GSG1L: variants seen among roughly 807,000 people sequenced by gnomAD.
The protein encoded by GSG1L is GSG1 like.
In GSG1L, 24 loss-of-function variants were observed where a neutral mutation model predicts 42.1. The observed-to-expected ratio is 0.57, with a 90% CI of 0.41 to 0.80. The LOEUF (loss-of-function observed/expected upper bound fraction) is 0.80, where lower values mean the gene tolerates loss of function less well. GSG1L is among the 30% of genes least tolerant of loss of function. GSG1L has a pLI of 0.00. For synonymous variants in GSG1L, 215 were observed against 203.5 expected, an observed-to-expected ratio of 1.06 and a Z score of -0.48; for missense variants, 445 against 472.2, an observed-to-expected ratio of 0.94 and a Z score of 0.53.
chr16:28,041,208 T>A (rs1461670508), intron 1 of GSG1L, among the ~76,000 whole-genome samples: 1 of 152,154 alleles, frequency 6.6e-6, no homozygotes, highest in Non-Finnish European at 1.5e-5. Context: ...CCTAGCACTT[T>A]GGGAGGCTGA....
intron 1 of GSG1L, among the ~76,000 whole-genome samples, chr16:28,020,063 CA>C (rs1332961143): frequency 6.6e-6 from 1 of 152,196 alleles, no homozygotes; most frequent in Non-Finnish European, 1.5e-5. Context: ...TTGAAAGTAG[CA>C]AGTCCACTCT....
intron 6 of GSG1L, among the ~76,000 whole-genome samples, chr16:27,803,800 G>GATAGATAGATAGATAGATAT (rs2082917570): frequency 1.3e-5 from 1 of 74,246 alleles, no homozygotes; most frequent in African/African-American, 5.2e-5. Context: ...TATATAGATA[G>GATAGATAGATAGATAGATAT]ATAGATATAG....
At chr16:27,909,331 CT>C (rs2084354076) in intron 2 of GSG1L, among the ~76,000 whole-genome samples, 2 of 150,788 alleles carry the variant, frequency 1.3e-5, no homozygotes, top group South Asian at 2.1e-4. Context: ...TTCTCTCTTT[CT>C]TTCTTTTTCT....
intron 2 of GSG1L, among the ~76,000 whole-genome samples, chr16:27,911,256 C>CCTCT (rs1483976484): frequency 2.1e-5 from 2 of 96,310 alleles, no homozygotes; most frequent in Non-Finnish European, 4.6e-5. Flanking sequence ...AGCCTCATCA[C>CCTCT]CTCTCTCTCG....
At chr16:27,911,272 T>G (rs546961826) in intron 2 of GSG1L, among the ~76,000 whole-genome samples, 11 of 131,932 alleles carry the variant, frequency 8.3e-5, no homozygotes, top group African/African-American at 2.8e-4. Context: ...TCTCGCTCTC[T>G]CTCTCTCTCT....
chr16:27,973,439 C>T (rs200125526), intron 1 of GSG1L, among the ~76,000 whole-genome samples: 1 of 29,848 alleles, frequency 3.4e-5, no homozygotes, highest in Non-Finnish European at 6.0e-5. Context: ...GACCCCATCA[C>T]AAAAAAAAAA....
chr16:27,809,660 C>G (rs2083008940), intron 5 of GSG1L, among the ~76,000 whole-genome samples: 1 of 152,090 alleles, frequency 6.6e-6, no homozygotes, highest in Admixed American at 6.6e-5. Context: ...CATCTTTCCT[C>G]CATCCCTCTC....
intron 2 of GSG1L, among the ~76,000 whole-genome samples, chr16:27,907,501 G>T (rs2084333485): frequency 6.6e-6 from 1 of 152,222 alleles, no homozygotes; most frequent in Admixed American, 6.5e-5. Flanking sequence ...TCCCTCTGGG[G>T]ATATGAGCTC....
At position 28,060,396 on chromosome 16, in the gene GSG1L, T is replaced by C. The variant is rs930851164; in HGVS notation, c.349+2680A>G. ...CCCCAGCTGGCTCCGATTCCCAAAT[T>C]TCTCACCAGCACTGACAAGCTGATA... On this transcript the variant is annotated intron_variant, in intron 1 of 6. Coordinates refer to ENST00000447459, the MANE Select transcript of GSG1L (RefSeq NM_001109763.2). 1.7e-4 allele frequency among the ~76,000 whole-genome samples: 26 copies of C among 152,062 alleles called. 1 individual carries two copies. Among genetic ancestry groups the C allele is most frequent in the Non-Finnish European group, 1.5e-5 (1 of 68,004 alleles).
intron 2 of GSG1L, among the ~76,000 whole-genome samples, chr16:27,886,895 T>C (rs12444493): frequency 0.072 from 10,896 of 152,136 alleles, 733 homozygotes; most frequent in East Asian, 0.16. Context: ...TCAGGACTTT[T>C]GCAGGAACTA....
chr16:27,871,590 CT>C (rs1164965627), intron 3 of GSG1L, among the ~76,000 whole-genome samples: 6 of 152,112 alleles, frequency 3.9e-5, no homozygotes, highest in African/African-American at 1.4e-4. Flanking sequence ...AGTGAGCCCC[CT>C]GATTGTGCTG....
intron 4 of GSG1L, among the ~76,000 whole-genome samples, chr16:27,834,869 CT>C (rs1433561850): frequency 6.6e-6 from 1 of 152,126 alleles, no homozygotes; most frequent in Non-Finnish European, 1.5e-5. Flanking sequence ...AAAGAACCAG[CT>C]TTTTTGTTTC....
chr16:27,841,655 G>C (rs2083382788), intron 4 of GSG1L, among the ~76,000 whole-genome samples: 1 of 152,232 alleles, frequency 6.6e-6, no homozygotes, highest in Non-Finnish European at 1.5e-5. Context: ...GATGAAAAAC[G>C]GGGCTGATCC....
chr16:28,004,397 C>A (rs1006033534), intron 1 of GSG1L, among the ~76,000 whole-genome samples: 1 of 149,724 alleles, frequency 6.7e-6, no homozygotes, highest in Non-Finnish European at 1.5e-5. Context: ...TCAATAGGAG[C>A]TGAGGGCCAG....
intron 3 of GSG1L, among the ~76,000 whole-genome samples, chr16:27,860,862 G>A (rs1354286564): frequency 6.6e-6 from 1 of 151,866 alleles, no homozygotes; most frequent in Non-Finnish European, 1.5e-5. Flanking sequence ...GGCTGGGCGT[G>A]TTGGCCTCTG....
At chr16:27,856,407 G>C (rs1244223789) in intron 3 of GSG1L, among the ~76,000 whole-genome samples, 1 of 152,174 alleles carries the variant, frequency 6.6e-6, no homozygotes, top group Non-Finnish European at 1.5e-5. Flanking sequence ...TTCAACTCCT[G>C]GGCTCAAGCG....
chr16:27,932,201 C>T (rs2084664808), intron 2 of GSG1L, among the ~76,000 whole-genome samples: 1 of 152,136 alleles, frequency 6.6e-6, no homozygotes, highest in Non-Finnish European at 1.5e-5. Flanking sequence ...TACAGGCATG[C>T]ACCACCACAC....
intron 1 of GSG1L, among the ~76,000 whole-genome samples, chr16:27,996,877 C>T (rs985816851): frequency 4.6e-5 from 7 of 152,244 alleles, no homozygotes; most frequent in Non-Finnish European, 8.8e-5. Context: ...TCTCCTGCCT[C>T]AGCCTCCTGA....
intron 3 of GSG1L, among the ~76,000 whole-genome samples, chr16:27,861,186 G>A (rs917592325): frequency 6.6e-6 from 1 of 152,086 alleles, no homozygotes; most frequent in African/African-American, 2.4e-5. Context: ...TGGCCAACAT[G>A]GTGAAACCCC....
Sources: allele counts gnomAD v4.1 joint callset (sites outside exome capture counted in the v4.1 genomes callset), GRCh38; gene constraint gnomAD v4.1.1; transcripts MANE v1.5; gene names NCBI Gene and HGNC (gene_info 2026-07-23, HGNC 2026-07-21).